RBFOX1: variants seen among roughly 807,000 people sequenced by gnomAD.
RBFOX1 encodes the protein RNA binding fox-1 homolog 1.
In RBFOX1, 8 loss-of-function variants were observed where a neutral mutation model predicts 57.7. That is an observed-to-expected ratio of 0.14 (90% CI 0.08 to 0.25). The LOEUF (loss-of-function observed/expected upper bound fraction) is 0.25, where lower values mean the gene tolerates loss of function less well. Among genes scored for constraint, RBFOX1 ranks in the 10% least tolerant of loss-of-function variants. The pLI, the probability that RBFOX1 is intolerant of heterozygous loss-of-function variation, is 1.00. For missense variants in RBFOX1, 611 were observed against 548.5 expected, an observed-to-expected ratio of 1.11 and a Z score of -1.14; for synonymous variants, 326 against 222.4, an observed-to-expected ratio of 1.47 and a Z score of -4.15.
At chr16:6,788,147 G>T (rs1478721035) in intron 3 of RBFOX1, among the ~76,000 whole-genome samples, 1 of 152,150 alleles carries the variant, frequency 6.6e-6, no homozygotes, top group African/African-American at 2.4e-5. Flanking sequence ...GCTTGAACCT[G>T]GGAGGCGGAT....
intron 2 of RBFOX1, among the ~76,000 whole-genome samples, chr16:6,617,764 G>A (rs2098164952): frequency 6.6e-6 from 1 of 152,160 alleles, no homozygotes; most frequent in Non-Finnish European, 1.5e-5. Flanking sequence ...AGGAAATATG[G>A]CAAGACAGTA....
At chr16:7,708,814 G>T (rs1385451643) in intron 14 of RBFOX1, among the ~76,000 whole-genome samples, 5 of 87,986 alleles carry the variant, frequency 5.7e-5, no homozygotes, top group Admixed American at 5.7e-4. Context: ...AAAAGCATAT[G>T]TAAGTACGTG....
At chr16:7,026,770 A>T (rs77156186) in intron 3 of RBFOX1, among the ~76,000 whole-genome samples, 10,673 of 152,250 alleles carry the variant, frequency 0.07, 634 homozygotes, top group East Asian at 0.3. Context: ...TTGTGCTGCC[A>T]GAGGGCACTA....
At chr16:5,333,747 G>T (rs2064823721) in intron 1 of RBFOX1, among the ~76,000 whole-genome samples, 1 of 152,158 alleles carries the variant, frequency 6.6e-6, no homozygotes, top group African/African-American at 2.4e-5. Flanking sequence ...GCTATATTAT[G>T]GTGTACTTAT....
chr16:5,984,927 C>A (rs1292782370), intron 4 of RBFOX1, among the ~76,000 whole-genome samples: 3 of 137,742 alleles, frequency 2.2e-5, no homozygotes, highest in Non-Finnish European at 4.6e-5. Context: ...AAATGGTACA[C>A]CTGTATAGGG....
At chr16:5,878,800 A>T (rs1381186828) in intron 4 of RBFOX1, among the ~76,000 whole-genome samples, 3 of 152,242 alleles carry the variant, frequency 2.0e-5, no homozygotes, top group African/African-American at 7.2e-5. Context: ...GTAAACTAAA[A>T]AAACTAAAAA....
At chr16:6,654,436 T>C (rs1192700821) in intron 2 of RBFOX1, among the ~76,000 whole-genome samples, 167 bp from the exon 3 acceptor site, 1 of 152,212 alleles carries the variant, frequency 6.6e-6, no homozygotes, top group Non-Finnish European at 1.5e-5. Flanking sequence ...CCGCAGTATG[T>C]ACCTTTAAAA....
At chr16:5,883,037 C>G (rs1189534748) in intron 4 of RBFOX1, among the ~76,000 whole-genome samples, 1 of 152,132 alleles carries the variant, frequency 6.6e-6, no homozygotes, top group Non-Finnish European at 1.5e-5. Flanking sequence ...CTCTTAGGAT[C>G]TCCTGCTCAA....
intron 3 of RBFOX1, among the ~76,000 whole-genome samples, chr16:6,668,201 T>C (rs1300845658): frequency 6.6e-6 from 1 of 152,214 alleles, no homozygotes; most frequent in East Asian, 1.9e-4. Context: ...GAATCTCTGG[T>C]GTCAAGTCAT....
At chr16:7,644,140 T>C (rs1454940040) in intron 11 of RBFOX1, among the ~76,000 whole-genome samples, 1 of 152,170 alleles carries the variant, frequency 6.6e-6, no homozygotes, top group Non-Finnish European at 1.5e-5. Flanking sequence ...TGTTGCATGA[T>C]GGATAAAATC....
At chr16:5,265,834 G>C (rs1404648236) in intron 1 of RBFOX1, among the ~76,000 whole-genome samples, 2 of 152,090 alleles carry the variant, frequency 1.3e-5, no homozygotes, top group African/African-American at 2.4e-5. Flanking sequence ...CTTTTGTCTT[G>C]GTCTCCAGAT....
intron 4 of RBFOX1, among the ~76,000 whole-genome samples, chr16:7,313,524 C>T (rs977116782): frequency 3.5e-5 from 5 of 141,148 alleles, no homozygotes; most frequent in African/African-American, 5.3e-5. Flanking sequence ...GAGGCTCTTT[C>T]GGACAGCAGT....
At chr16:7,574,703 G>T (rs950260527) in intron 5 of RBFOX1, among the ~76,000 whole-genome samples, 1 of 152,120 alleles carries the variant, frequency 6.6e-6, no homozygotes, top group African/African-American at 2.4e-5. Flanking sequence ...CCACTGACTT[G>T]AATGTTTATC....
intron 4 of RBFOX1, among the ~76,000 whole-genome samples, chr16:7,293,241 G>A (rs2095828815): frequency 6.6e-6 from 1 of 152,110 alleles, no homozygotes; most frequent in African/African-American, 2.4e-5. Context: ...ACAATGCATT[G>A]AAACAACTAT....
At chr16:5,374,681 C>T (rs2065941838) in intron 1 of RBFOX1, among the ~76,000 whole-genome samples, 1 of 149,368 alleles carries the variant, frequency 6.7e-6, no homozygotes, top group East Asian at 2.0e-4. Flanking sequence ...GTGATCAGAG[C>T]TGGGTTTTAG....
At chr16:6,042,640 G>A (rs189840482) in intron 1 of RBFOX1, among the ~76,000 whole-genome samples, 3 of 152,298 alleles carry the variant, frequency 2.0e-5, no homozygotes, top group Admixed American at 1.3e-4. Context: ...GTGCCGATAT[G>A]AGTGACCATG....
intron 3 of RBFOX1, among the ~76,000 whole-genome samples, chr16:6,672,988 T>C (rs761114556): frequency 6.6e-6 from 1 of 152,146 alleles, no homozygotes; most frequent in Admixed American, 6.5e-5. Context: ...AGTGCTGATA[T>C]GAAGCCAGTG....
At chr16:7,595,663 C>T (rs574842723) in intron 8 of RBFOX1, 22 bp downstream of exon 8, 19 of 1,549,370 alleles carry the variant, frequency 1.2e-5, no homozygotes, top group Non-Finnish European at 1.7e-5. Flanking sequence ...AAATATTTTC[C>T]TTTTCATCTT....
intron 2 of RBFOX1, among the ~76,000 whole-genome samples, chr16:6,480,035 G>T (rs1266330540): frequency 7.4e-6 from 1 of 135,028 alleles, no homozygotes; most frequent in Non-Finnish European, 1.5e-5. Flanking sequence ...GGGAGACAGA[G>T]CAAGACTCCA....
Sources: allele counts gnomAD v4.1 joint callset (sites outside exome capture counted in the v4.1 genomes callset), GRCh38; gene constraint gnomAD v4.1.1; transcripts MANE v1.5; gene names NCBI Gene and HGNC (gene_info 2026-07-23, HGNC 2026-07-21).